The following CLPB variants were observed in gnomAD, a reference collection of about 807,000 sequenced individuals.
CLPB encodes ClpB family mitochondrial disaggregase.
In CLPB, 40 loss-of-function variants were observed where a neutral mutation model predicts 78.4. The observed-to-expected ratio is 0.51, with a 90% CI of 0.40 to 0.66. CLPB has a LOEUF of 0.66. CLPB is among the 30% of genes least tolerant of loss of function. The pLI is 0.00. For missense variants in CLPB, 780 were observed against 886.9 expected (o/e 0.88, Z 1.53); for synonymous variants, 333 against 348.0 (o/e 0.96, Z 0.48).
intron 6 of CLPB, among the ~76,000 whole-genome samples, chr11:72,322,234 C>A (rs1329870301): frequency 6.6e-6 from 1 of 152,186 alleles, no homozygotes; most frequent in African/African-American, 2.4e-5. Context: ...ATTCTCCTCT[C>A]TTCCAGTCCA....
intron 6 of CLPB, among the ~76,000 whole-genome samples, chr11:72,321,265 G>A (rs898018347): frequency 1.3e-5 from 2 of 152,176 alleles, no homozygotes; most frequent in Non-Finnish European, 2.9e-5. Flanking sequence ...AATTCAGCCT[G>A]CAGAAGCAGA....
At chr11:72,306,679 A>G (rs1422024077) in intron 9 of CLPB, among the ~76,000 whole-genome samples, 1 of 152,186 alleles carries the variant, frequency 6.6e-6, no homozygotes, top group Non-Finnish European at 1.5e-5. Context: ...CCATGTTTAA[A>G]AGCTCATGCA....
intron 4 of CLPB, among the ~76,000 whole-genome samples, chr11:72,359,609 A>C (rs918052751): frequency 6.6e-6 from 1 of 152,226 alleles, no homozygotes; most frequent in Non-Finnish European, 1.5e-5. Context: ...AAAGCAATTA[A>C]ATTTTTAAAA....
chr11:72,416,819 C>T (rs191395905), intron 2 of CLPB, among the ~76,000 whole-genome samples: 1 of 151,818 alleles, frequency 6.6e-6, no homozygotes, highest in Non-Finnish European at 1.5e-5. Context: ...TAAAAAGATG[C>T]TCACATCATT....
At chr11:72,413,627 T>C (rs762457480) in intron 2 of CLPB, among the ~76,000 whole-genome samples, 16 of 152,220 alleles carry the variant, frequency 1.1e-4, no homozygotes, top group African/African-American at 3.6e-4. Context: ...ATATTCATTA[T>C]AGCAATCTCC....
intron 5 of CLPB, among the ~76,000 whole-genome samples, chr11:72,347,495 T>C (rs1213260568): frequency 6.6e-6 from 1 of 152,166 alleles, no homozygotes; most frequent in Admixed American, 6.5e-5. Flanking sequence ...TGCTAACTAA[T>C]GTCAAGGGAA....
chr11:72,295,084 C>T (rs757774300), intron 12 of CLPB, among the ~76,000 whole-genome samples: 11 of 152,198 alleles, frequency 7.2e-5, no homozygotes, highest in Non-Finnish European at 1.6e-4. Context: ...GGCCCACCTA[C>T]GCAGGAAGCT....
chr11:72,294,633 C>T lies in CLPB; in HGVS notation c.1547G>A (p.Arg516His), dbSNP rs778955282. Residue 516 changes from arginine (R) to histidine (H), a missense_variant, in exon 13 of 16, where the codon CGC becomes CAC. Physicochemically the swap from Arg to His is conservative, Grantham distance 29 (BLOSUM62 0). Coordinates refer to ENST00000538039, the MANE Select transcript of CLPB (RefSeq NM_001258392.3). ...AAGACCTCTTACTTTCAGGATAGGG[C>T]GAATCACATTCTCCTTGAAGTTCTT... Reference protein sequence around the residue: ...ISKNFKENVIRPILKAHFRRD... With the variant: ...ISKNFKENVIHPILKAHFRRD... 21 of 1,613,884 alleles carry T rather than the reference C, an allele frequency of 1.3e-5. No homozygotes were observed. Among genetic ancestry groups the T allele is most frequent in the African/African-American group, 5.3e-5 (4 of 74,924 alleles).
chr11:72,353,242 G>C (rs1950646051), intron 5 of CLPB: 1 of 152,310 alleles, frequency 6.6e-6, no homozygotes, highest in African/African-American at 2.4e-5. Flanking sequence ...ATAACTCAGT[G>C]CAGACTTGGA....
At chr11:72,402,754 T>C (rs948392853) in intron 3 of CLPB, among the ~76,000 whole-genome samples, 1 of 152,222 alleles carries the variant, frequency 6.6e-6, no homozygotes, top group African/African-American at 2.4e-5. Flanking sequence ...ACAAAGCCAA[T>C]GACTGAGGGA....
Position 72,307,229 on chromosome 11 carries a change from T to C in CLPB, c.1092A>G (p.Thr364=). 6.2e-7 allele frequency: 1 copy of C among 1,614,164 alleles called. No individual in the cohort carries two copies. Among genetic ancestry groups the C allele is most frequent in the South Asian group, 1.1e-5 (1 of 91,070 alleles). ...TAGCATCTTTGTGCATATATTTGGC[T>C]GTCTGCTTGGCCAGCTCTGTTTTTC... The part of the protein sequence containing the change: ...GIGKTELAKQ[T]AKYMHKDAKK... Residue 364 remains threonine, a synonymous_variant, in exon 9 of 16, where the codon ACA becomes ACG. Transcript: ENST00000538039.
intron 5 of CLPB, among the ~76,000 whole-genome samples, chr11:72,334,215 C>T (rs187541325): frequency 1.2e-4 from 19 of 152,242 alleles, no homozygotes; most frequent in African/African-American, 3.9e-4. Flanking sequence ...TAGTAGGAGT[C>T]GTGTCACTTC....
Position 72,321,580 on chromosome 11 carries a change from C to T in CLPB, c.874-4360G>A, listed in dbSNP as rs533853100. On this transcript the variant is annotated intron_variant, in intron 6 of 15. Transcript: ENST00000538039. ...TGGGTGGCTGGGCTGAGTGGCTCTG[C>T]GGGGGAGGGTTACAGAAGGGATATG... 5.3e-5 allele frequency among the ~76,000 whole-genome samples: 8 copies of T among 152,216 alleles called. No individual in the cohort carries two copies. In the South Asian group the frequency reaches 1.2e-3, roughly 24 times the overall value.
chr11:72,424,926 C>T (rs1856326653), intron 2 of CLPB, among the ~76,000 whole-genome samples: 1 of 151,388 alleles, frequency 6.6e-6, no homozygotes, highest in Admixed American at 6.6e-5. Context: ...CAAAAAAAAA[C>T]TTAGCCAGGT....
chr11:72,384,014 C>T (rs545730721), intron 3 of CLPB, among the ~76,000 whole-genome samples: 4 of 152,292 alleles, frequency 2.6e-5, no homozygotes, highest in Admixed American at 6.5e-5. Flanking sequence ...ATTAGCCAGG[C>T]GTGGTGTCAC....
At chr11:72,315,059 C>A (rs1023194130) in intron 7 of CLPB, among the ~76,000 whole-genome samples, 1 of 151,830 alleles carries the variant, frequency 6.6e-6, no homozygotes, top group Admixed American at 6.6e-5. Context: ...AGATAGGAGA[C>A]GTGGACACCC....
intron 3 of CLPB, among the ~76,000 whole-genome samples, chr11:72,382,299 G>A (rs997633413): frequency 2.0e-5 from 3 of 151,866 alleles, no homozygotes; most frequent in Non-Finnish European, 4.4e-5. Context: ...CAGGGCCCGG[G>A]CCCAACCCCC....
At chr11:72,416,735 CAAAA>C (rs35655496) in intron 2 of CLPB, among the ~76,000 whole-genome samples, 4 of 50,654 alleles carry the variant, frequency 7.9e-5, no homozygotes, top group East Asian at 8.5e-4. Context: ...GACTCCGTCT[CAAAA>C]AAAAAAAAAA....
In CLPB at chr11:72,312,863, G is replaced by T; in HGVS notation, c.988+4243C>A. On this transcript the variant is annotated intron_variant, in intron 7 of 15. Coordinates refer to ENST00000538039, the MANE Select transcript of CLPB (RefSeq NM_001258392.3). The surrounding 1 kb of genome is among the most constrained non-coding windows in gnomAD (Gnocchi z 4.2). ...AAAACTGTGGGCTCCAAACGGGATG[G>T]GTGCACAGAGGGAAGTATGGGAAGA... 6.6e-6 allele frequency among the ~76,000 whole-genome samples: 1 copy of T among 152,204 alleles called. No individual in the cohort carries two copies. Among genetic ancestry groups the T allele is most frequent in the Non-Finnish European group, 1.5e-5 (1 of 68,038 alleles).
Sources: allele counts gnomAD v4.1 joint callset (sites outside exome capture counted in the v4.1 genomes callset), GRCh38; gene constraint gnomAD v4.1.1; non-coding constraint Gnocchi (gnomAD v3.1); transcripts MANE v1.5; gene names NCBI Gene and HGNC (gene_info 2026-07-23, HGNC 2026-07-21).